The following MOGAT1 variants were observed in gnomAD, a reference collection of about 807,000 sequenced individuals.
MOGAT1 encodes monoacylglycerol O-acyltransferase 1.
MOGAT1 carries 32 observed loss-of-function variants against 31.4 expected under a neutral mutation model. That is an observed-to-expected ratio of 1.02 (90% CI 0.77 to 1.37). The LOEUF (loss-of-function observed/expected upper bound fraction) is 1.37. Among genes scored for constraint, MOGAT1 ranks in the 40% most tolerant of loss-of-function variants. The probability of loss-of-function intolerance (pLI) is 0.00; values close to 1 mark genes in which losing one functional copy is unlikely to be tolerated. For missense variants in MOGAT1, 426 were observed against 402.0 expected (o/e 1.06, Z -0.51); for synonymous variants, 145 against 144.5 (o/e 1.00, Z -0.03).
chr2:222,675,822 G>A (rs551937741), intron 1 of MOGAT1, among the ~76,000 whole-genome samples: 37 of 151,666 alleles, frequency 2.4e-4, no homozygotes, highest in Non-Finnish European at 4.0e-4. Context: ...TCATCATGTA[G>A]CACCATTTGA....
chr2:222,709,790 A>G lies in MOGAT1; in HGVS notation c.908A>G (p.Glu303Gly), dbSNP rs1237755234. Residue 303 changes from glutamate to glycine, a missense_variant, in exon 6 of 6, where the codon GAG (glutamate) becomes GGG (glycine). Glu to Gly is a moderately conservative substitution (Grantham distance 98). Coordinates refer to ENST00000446656, the MANE Select transcript of MOGAT1 (RefSeq NM_058165.3). The part of the protein sequence containing the change: ...QTLNPTQEQI[E>G]ELHQTYMEEL... ...CTGAACCCGACCCAGGAGCAGATTG[A>G]GGAGTTACATCAGACCTATATGGAG... The G allele has an allele frequency of 1.2e-6, 2 of 1,613,528 alleles. No individual in the cohort carries two copies. Among genetic ancestry groups the G allele is most frequent in the Admixed American group, 3.3e-5 (2 of 60,000 alleles).
chr2:222,673,878 A>T (rs952891517), intron 1 of MOGAT1, among the ~76,000 whole-genome samples: 12 of 152,224 alleles, frequency 7.9e-5, no homozygotes, highest in African/African-American at 2.9e-4. Flanking sequence ...CATGGAAGAT[A>T]TACACGAATA....
In MOGAT1 at chr2:222,671,766, C is replaced by A; in HGVS notation, c.-20C>A. ...GGGTGCAGGCTGCAGTGGCTGGCGC[C>A]GTCCTCGCCCGGCCAGGCCATGAAG... On this transcript the variant is annotated 5_prime_UTR_variant, in exon 1 of 6. Transcript: ENST00000446656. The A allele has an allele frequency of 6.5e-7, 1 of 1,545,936 alleles. No homozygotes were observed. Among genetic ancestry groups the A allele is most frequent in the Non-Finnish European group, 8.7e-7 (1 of 1,143,800 alleles).
At chr2:222,676,873 A>G (rs1268313605) in intron 1 of MOGAT1, among the ~76,000 whole-genome samples, 1 of 152,230 alleles carries the variant, frequency 6.6e-6, no homozygotes, top group Non-Finnish European at 1.5e-5. Flanking sequence ...CATTCAATAA[A>G]GTGACAACTT....
intron 5 of MOGAT1, among the ~76,000 whole-genome samples, chr2:222,701,274 A>G (rs947589222): frequency 2.5e-5 from 3 of 121,010 alleles, no homozygotes; most frequent in Non-Finnish European, 5.2e-5. Flanking sequence ...AAGAGAGAAA[A>G]AGAGAGAGAG....
intron 1 of MOGAT1, among the ~76,000 whole-genome samples, chr2:222,687,908 A>G (rs892997560): frequency 6.6e-6 from 1 of 152,212 alleles, no homozygotes. Context: ...ATGTAAAGCT[A>G]TGACTAAGTA....
chr2:222,700,070 T>C (rs773513032), intron 5 of MOGAT1, among the ~76,000 whole-genome samples: 4 of 152,270 alleles, frequency 2.6e-5, no homozygotes, highest in Non-Finnish European at 4.4e-5. Context: ...TTTGATCTCT[T>C]ATATGCAAAG....
At chr2:222,679,780 C>T (rs1692551352) in intron 1 of MOGAT1, among the ~76,000 whole-genome samples, 1 of 152,200 alleles carries the variant, frequency 6.6e-6, no homozygotes, top group African/African-American at 2.4e-5. Flanking sequence ...TGGAGTCACT[C>T]ATCCTATGTG....
intron 2 of MOGAT1, among the ~76,000 whole-genome samples, chr2:222,688,860 T>C (rs961596131): frequency 1.3e-5 from 2 of 152,160 alleles, no homozygotes. Flanking sequence ...ACTCCCAAGA[T>C]AACAAACCCA....
At chr2:222,679,395 A>G (rs1367247083) in intron 1 of MOGAT1, among the ~76,000 whole-genome samples, 1 of 152,146 alleles carries the variant, frequency 6.6e-6, no homozygotes, top group Non-Finnish European at 1.5e-5. Context: ...TCAGTTCCAT[A>G]TGCATTTTAG....
intron 1 of MOGAT1, among the ~76,000 whole-genome samples, chr2:222,681,683 G>A (rs571802248): frequency 1.3e-3 from 192 of 152,122 alleles, no homozygotes; most frequent in African/African-American, 4.4e-3. Flanking sequence ...AAGCATCTTG[G>A]ACTGCTTAGT....
intron 5 of MOGAT1, chr2:222,698,645 G>T (rs1388074120): frequency 2.0e-5 from 3 of 152,150 alleles, no homozygotes; most frequent in African/African-American, 7.2e-5. Context: ...AATGGTTCAG[G>T]GAGGCTAATG....
chr2:222,709,619 G>A, intron 5 of MOGAT1, 117 bp from the exon 6 acceptor site: 1 of 849,906 alleles, frequency 1.2e-6, no homozygotes, highest in Non-Finnish European at 1.8e-6. Context: ...AAGGATTGGA[G>A]TGAGCAGGCT....
chr2:222,704,505 T>A (rs1055565869), intron 5 of MOGAT1, among the ~76,000 whole-genome samples: 20 of 152,054 alleles, frequency 1.3e-4, no homozygotes, highest in Non-Finnish European at 2.4e-4. Context: ...ACGCCTGTAG[T>A]CCCAGCTACT....
chr2:222,691,202 T>C, intron 3 of MOGAT1, among the ~76,000 whole-genome samples: 1 of 151,758 alleles, frequency 6.6e-6, no homozygotes, highest in East Asian at 1.9e-4. Context: ...ATTTTTTATT[T>C]TATTTTATTT....
chr2:222,682,150 A>T (rs1692590543), intron 1 of MOGAT1, among the ~76,000 whole-genome samples: 1 of 152,180 alleles, frequency 6.6e-6, no homozygotes, highest in Non-Finnish European at 1.5e-5. Context: ...GTGTGCACAC[A>T]CACACTTTGT....
chr2:222,709,904 A>T lies in MOGAT1; in HGVS notation c.*14A>T. On this transcript the variant is annotated 3_prime_UTR_variant, in exon 6 of 6. Coordinates refer to ENST00000446656, the MANE Select transcript of MOGAT1 (RefSeq NM_058165.3). ...GTTTTAAAATGACTTGACTATAAAA[A>T]AAAATTAAAAAATAAAAATAAATGA... The T allele has an allele frequency of 6.5e-7, 1 of 1,540,530 alleles. No homozygotes were observed. Among genetic ancestry groups the T allele is most frequent in the Non-Finnish European group, 8.7e-7 (1 of 1,143,006 alleles).
chr2:222,701,572 A>AAAAAG (rs1553562955), intron 5 of MOGAT1, among the ~76,000 whole-genome samples: 4,801 of 129,222 alleles, frequency 0.037, 240 homozygotes, highest in African/African-American at 0.11. Context: ...AGAAAGAAAG[A>AAAAAG]AAAGAAAGAA....
chr2:222,695,040 T>G, intron 4 of MOGAT1, 49 bp from the exon 5 acceptor site: 1 of 1,422,284 alleles, frequency 7.0e-7, no homozygotes. Context: ...AATAAATTAT[T>G]TGAATCCTTT....
Sources: gnomAD v4.1 joint callset for allele counts (sites outside exome capture counted in the v4.1 genomes callset) on GRCh38, gnomAD v4.1.1 for gene constraint, MANE v1.5 for transcripts, NCBI Gene and HGNC (gene_info 2026-07-23, HGNC 2026-07-21) for gene names.